The following RIF1 variants were observed in gnomAD, a reference collection of about 807,000 sequenced individuals.
RIF1 encodes the protein replication timing regulatory factor 1.
In RIF1, 45 loss-of-function variants were observed where a neutral mutation model predicts 247.1. That is an observed-to-expected ratio of 0.18 (90% CI 0.14 to 0.23). The LOEUF is 0.23. Ranked by LOEUF, RIF1 falls within the 10% of genes least tolerant of loss-of-function variation. RIF1 has a pLI of 1.00. For synonymous variants in RIF1, 1,087 were observed against 978.8 expected (o/e 1.11, Z -2.06); for missense variants, 2,967 against 2,862.5 (o/e 1.04, Z -0.83).
the RIF1 span, chr2:151,529,462 C>T: frequency 3.2e-6 from 2 of 627,764 alleles, no homozygotes; most frequent in Admixed American, 2.6e-5. Flanking sequence ...AGCAAGGATA[C>T]AGCCATGCAG....
At chr2:151,435,922 G>A (rs1024483793) in intron 11 of RIF1, among the ~76,000 whole-genome samples, 4 of 151,890 alleles carry the variant, frequency 2.6e-5, no homozygotes, top group Non-Finnish European at 2.9e-5. Flanking sequence ...GAATCTTAGC[G>A]CTATTAAAAA....
chr2:151,507,638 C>T lies in RIF1; in HGVS notation c.*1028-91C>T. ...TTCCGCATCTCTATCCATAAAAATA[C>T]ACATATTTCCCTGTTTCTTTGGGTA... is the stretch of plus-strand genomic sequence containing the variant. On this transcript the variant is annotated intron_variant and NMD_transcript_variant, in intron 13 of 13. Coordinates refer to the RIF1 transcript ENST00000454583. The T allele has an allele frequency of 1.4e-5, 3 of 218,466 alleles. No homozygotes were observed. In the South Asian group the frequency reaches 2.7e-4, roughly 20 times the overall value. 13.5% of individuals were successfully genotyped at this position (218,466 alleles called of 1,614,324 possible).
At chr2:151,422,654 C>G (rs1408705166) in intron 7 of RIF1, among the ~76,000 whole-genome samples, 1 of 151,904 alleles carries the variant, frequency 6.6e-6, no homozygotes, top group Non-Finnish European at 1.5e-5. Context: ...CGTCTGCCAC[C>G]ATGCCCAGCT....
At chr2:151,520,865 C>T in the RIF1 span, among the ~76,000 whole-genome samples, 1 of 151,846 alleles carries the variant, frequency 6.6e-6, no homozygotes, top group Non-Finnish European at 1.5e-5. Flanking sequence ...CCCTGTCTCA[C>T]AAAATAAATA....
chr2:151,433,604 G>A (rs72860236), intron 10 of RIF1, among the ~76,000 whole-genome samples: 39,058 of 151,582 alleles, frequency 0.26, 5,551 homozygotes, highest in Admixed American at 0.38. Context: ...GCAGGCGCAC[G>A]ACCACACCTG....
Position 151,465,156 on chromosome 2 carries a change from CAAA to C in RIF1, c.5638_5640del (p.Lys1880del), listed in dbSNP as rs768354405. ...AATGTTTCACAGGAATCTTTGGAGA[CAAA>C]AGAAGAAAAACCAGAAGAAACCCCA... On this transcript the variant is annotated inframe_deletion, in exon 30 of 36. Transcript: ENST00000444746. 16 of 1,613,094 alleles carry C rather than the reference CAAA, an allele frequency of 9.9e-6. No homozygotes were observed. In the East Asian group the frequency reaches 1.3e-4, roughly 13 times the overall value.
intron 21 of RIF1, 98 bp downstream of exon 21, chr2:151,451,803 C>G: frequency 1.5e-6 from 1 of 654,638 alleles, no homozygotes; most frequent in Non-Finnish European, 2.8e-6. Context: ...CCTCATTTTA[C>G]TAACTTTTGA....
At chr2:151,529,125 G>T in the RIF1 span, 9 of 869,616 alleles carry the variant, frequency 1.0e-5, no homozygotes, top group East Asian at 1.5e-4. Flanking sequence ...GAGCTGAATT[G>T]CCTGAAGAGA....
intron 34 of RIF1, among the ~76,000 whole-genome samples, chr2:151,470,988 AG>A (rs1315185180): frequency 6.6e-6 from 1 of 152,120 alleles, no homozygotes; most frequent in Admixed American, 6.5e-5. Flanking sequence ...ATATATTCAC[AG>A]AGTTAAATAA....
chr2:151,497,600 GT>G (rs749958402), intron 10 of RIF1: 3 of 1,547,852 alleles, frequency 1.9e-6, no homozygotes, highest in African/African-American at 2.7e-5. Flanking sequence ...TAAATAAGTA[GT>G]TTTTTTCTTT....
At chr2:151,486,252 C>T (rs890926761), downstream of RIF1, 2 of 246,780 alleles carry the variant, frequency 8.1e-6, no homozygotes, top group African/African-American at 4.5e-5. Flanking sequence ...CAAAAGGATG[C>T]TCAAAATTAG....
At chr2:151,438,579 G>A in intron 13 of RIF1, 105 bp from the exon 14 acceptor site, 1 of 739,966 alleles carries the variant, frequency 1.4e-6, no homozygotes, top group Non-Finnish European at 2.4e-6. Context: ...ATTAAGTATT[G>A]TTCAATTTAT....
At position 151,477,401 on chromosome 2, in the gene RIF1, A is replaced by G. The variant is rs1344306874; in HGVS notation, c.*2330A>G. On this transcript the variant is annotated 3_prime_UTR_variant, in exon 36 of 36. Coordinates refer to ENST00000444746, the MANE Select transcript of RIF1 (RefSeq NM_018151.5). ...TAAGAAGAAAAAACTAGTGGCATAC[A>G]GGATTGTCATGTAGTATCTTTTTTT... The G allele has an allele frequency of 6.6e-6, 1 of 152,070 alleles. No homozygotes were observed. The highest frequency in any genetic ancestry group is 1.5e-5 in the Non-Finnish European group (1 of 68,000). 9.4% of individuals were successfully genotyped at this position (152,070 alleles called of 1,614,324 possible). A position where few individuals can be genotyped will look rare whatever the true frequency, so the allele number is the denominator to read the frequency against.
intron 8 of RIF1, among the ~76,000 whole-genome samples, chr2:151,428,307 TA>T (rs1162976796): frequency 1.6e-4 from 24 of 152,214 alleles, no homozygotes; most frequent in African/African-American, 5.5e-4. Context: ...ATACTGTTTT[TA>T]AAAAATATTT....
chr2:151,449,467 T>G (rs1693884637), intron 20 of RIF1, among the ~76,000 whole-genome samples: 1 of 152,162 alleles, frequency 6.6e-6, no homozygotes, highest in Non-Finnish European at 1.5e-5. Context: ...TCTTTCTTGA[T>G]GAGGTCTTGC....
chr2:151,493,635 TTTG>T (rs1354495511), intron 9 of RIF1: 1 of 799,928 alleles, frequency 1.3e-6, no homozygotes, highest in Non-Finnish European at 1.9e-6. Flanking sequence ...GTGGGGTTGG[TTTG>T]TTGTTTTTAA....
chr2:151,439,991 A>AAAAAAAAAAAAAAAT, intron 14 of RIF1, 36 bp from the exon 15 acceptor site: 2 of 871,026 alleles, frequency 2.3e-6, no homozygotes, highest in Non-Finnish European at 1.8e-6. Flanking sequence ...AAAAAAAAAA[A>AAAAAAAAAAAAAAAT]AAAAGAACTA....
intron 13 of RIF1, chr2:151,507,139 T>TA: frequency 1.6e-6 from 1 of 620,982 alleles, no homozygotes. Context: ...ACAATAATTA[T>TA]GGTCTGGTAG....
intron 11 of RIF1, among the ~76,000 whole-genome samples, chr2:151,436,586 TTATG>T (rs1475997046): frequency 6.6e-6 from 1 of 151,994 alleles, no homozygotes; most frequent in Non-Finnish European, 1.5e-5. Context: ...AGTGTCTTCT[TTATG>T]TATGTCATTG....
Sources: gnomAD v4.1 joint callset for allele counts (sites outside exome capture counted in the v4.1 genomes callset) on GRCh38, gnomAD v4.1.1 for gene constraint, MANE v1.5 for transcripts, NCBI Gene and HGNC (gene_info 2026-07-23, HGNC 2026-07-21) for gene names.